PGLYRP3: variants seen among roughly 807,000 people sequenced by gnomAD.
PGLYRP3 encodes the protein peptidoglycan recognition protein I alpha.
A neutral mutation model predicts 36.0 loss-of-function variants in PGLYRP3; 39 were observed. The ratio of observed to expected loss-of-function variants is 1.08; its 90% confidence interval spans 0.84 to 1.41. The LOEUF is 1.41. Ranked by LOEUF, PGLYRP3 falls within the 40% of genes most tolerant of loss-of-function variation. The pLI is 0.00. For missense variants in PGLYRP3, 407 were observed against 427.9 expected (o/e 0.95, Z 0.43); for synonymous variants, 204 against 172.8 (o/e 1.18, Z -1.42).
Position 153,302,579 on chromosome 1 carries a change from A to G in PGLYRP3, c.558T>C (p.Ala186=). ...GGCAGTGTGTCTCTCTGGCTTCCCA[A>G]GCAGATCGTTTGATGATGTTGGGGC... ...KVCPNIIKRS[A]WEARETHCPK... is the part of the protein sequence containing the mutation. The change falls in exon 6 of 8, where the codon GCT becomes GCC. Residue 186 remains alanine (A), a synonymous_variant. Transcript: ENST00000683862. 1 of 1,614,182 alleles carries G rather than the reference A, an allele frequency of 6.2e-7. No homozygotes were observed. The highest frequency in any genetic ancestry group is 8.5e-7 in the Non-Finnish European group (1 of 1,180,026).
chr1:153,305,357 G>A (rs1006100080), intron 3 of PGLYRP3, among the ~76,000 whole-genome samples: 6 of 152,176 alleles, frequency 3.9e-5, no homozygotes, highest in African/African-American at 1.2e-4. Flanking sequence ...GAGGACATTA[G>A]TTCAATGCTT....
At chr1:153,312,016 C>A (rs1264288333) in intron 1 of PGLYRP3, among the ~76,000 whole-genome samples, 2 of 152,202 alleles carry the variant, frequency 1.3e-5, no homozygotes, top group Non-Finnish European at 2.9e-5. Context: ...AGATTGAAGG[C>A]CTGTTAGGAG....
chr1:153,300,966 G>A (rs1659577801), intron 6 of PGLYRP3, among the ~76,000 whole-genome samples: 1 of 152,144 alleles, frequency 6.6e-6, no homozygotes, highest in Non-Finnish European at 1.5e-5. Flanking sequence ...TCAGGCTGAA[G>A]GGCAGTGGCA....
chr1:153,303,506 C>T (rs755583116), intron 5 of PGLYRP3, among the ~76,000 whole-genome samples: 17 of 152,216 alleles, frequency 1.1e-4, no homozygotes, highest in Non-Finnish European at 2.4e-4. Flanking sequence ...TGTCTCTTCT[C>T]ACTGAAGTGC....
chr1:153,312,673 G>C lies in PGLYRP3; in HGVS notation c.-72C>G, dbSNP rs1019216591. 1.3e-5 allele frequency among the ~76,000 whole-genome samples: 2 copies of C among 152,014 alleles called. No individual in the cohort carries two copies. The highest frequency in any genetic ancestry group is 2.9e-5 in the Non-Finnish European group (2 of 67,998). ...GGTTCTGTGCTGTTCCAGCCCAGCA[G>C]GTCAGGGTGCAGTCGGCTCGCCCCT... On this transcript the variant is annotated 5_prime_UTR_variant, in exon 1 of 8. Transcript: ENST00000683862.
Position 153,297,819 on chromosome 1 carries a change from G to T in PGLYRP3, c.*137C>A, listed in dbSNP as rs902408460. 1.0e-6 allele frequency: 1 copy of T among 987,842 alleles called. No homozygotes were observed. Among genetic ancestry groups the T allele is most frequent in the Non-Finnish European group, 1.5e-6 (1 of 665,872 alleles). The allele number at this position is 987,842 out of a possible 1,614,324, so 61.2% of individuals were successfully genotyped here. On this transcript the variant is annotated 3_prime_UTR_variant, in exon 8 of 8. Coordinates refer to ENST00000683862, the MANE Select transcript of PGLYRP3 (RefSeq NM_052891.3). ...GCTCCTGGAGGATGTTGGCAGGAAA[G>T]GACATGACCATTCAAACCTGAGAAA...
At position 153,304,015 on chromosome 1, in the gene PGLYRP3, AGAG is replaced by A. The variant is rs751833101; in HGVS notation, c.377-9_377-7del. 3.7e-6 allele frequency: 6 copies of A among 1,609,862 alleles called. No homozygotes were observed. The highest frequency in any genetic ancestry group is 5.1e-6 in the Non-Finnish European group (6 of 1,176,952). ...AGCAGGGCTGGGACTGCTGCCTTAA[AGAG>A]GAGGACAGGGAGCACAAAAATGTCA... On this transcript the variant is annotated splice_region_variant and splice_polypyrimidine_tract_variant and intron_variant, in intron 4 of 7. Transcript: ENST00000683862.
At chr1:153,302,659 G>C (rs1659628575) in intron 5 of PGLYRP3, 52 bp from the exon 6 acceptor site, 4 of 1,555,634 alleles carry the variant, frequency 2.6e-6, no homozygotes, top group African/African-American at 2.7e-5. Context: ...GCCTCTCTGT[G>C]AGCAATCACT....
chr1:153,310,504 A>C (rs1191194421), intron 2 of PGLYRP3, 107 bp downstream of exon 2: 1 of 1,147,892 alleles, frequency 8.7e-7, no homozygotes, highest in Non-Finnish European at 1.3e-6. Context: ...AAGCTACACT[A>C]TCCACTAACA....
Position 153,303,997 on chromosome 1 carries a change from C to A in PGLYRP3, c.389G>T (p.Ser130Ile), listed in dbSNP as rs781092199. The A allele has an allele frequency of 1.2e-6, 2 of 1,612,922 alleles. No homozygotes were observed. Among genetic ancestry groups the A allele is most frequent in the East Asian group, 4.5e-5 (2 of 44,868 alleles). Residue 130 changes from serine (S) to isoleucine (I), a missense_variant, in exon 5 of 8, where the codon AGC becomes ATC. Transcript: ENST00000683862. ...CTCTGCAGCTGATAAGGCAGCAGGG[C>A]TGGGACTGCTGCCTTAAAGAGGAGG... ...FFGNKIGSSP[S>I]PAALSAAEGL...
In PGLYRP3 at chr1:153,297,943, A is replaced by T. The variant is rs555652513; in HGVS notation, c.*13T>A. The T allele has an allele frequency of 2.4e-5, 39 of 1,612,460 alleles. No homozygotes were observed. In the South Asian group the frequency reaches 3.6e-4, roughly 15 times the overall value. On this transcript the variant is annotated 3_prime_UTR_variant, in exon 8 of 8. Coordinates refer to ENST00000683862, the MANE Select transcript of PGLYRP3 (RefSeq NM_052891.3). ...GGGGAGGGAGGGCAGTCTCAAAGGGAGTGGGGCCTCCTTCAGTGCTTGAAA... is the reference window on the plus strand; with the variant it reads ...GGGGAGGGAGGGCAGTCTCAAAGGGTGTGGGGCCTCCTTCAGTGCTTGAAA...
chr1:153,309,360 A>C (rs763182931), intron 2 of PGLYRP3, among the ~76,000 whole-genome samples: 2 of 152,238 alleles, frequency 1.3e-5, no homozygotes, highest in Non-Finnish European at 2.9e-5. Context: ...TACTTGTCTA[A>C]CATAACAGAG....
At chr1:153,299,257 A>G (rs752356895) in intron 6 of PGLYRP3, 26 bp from the exon 7 acceptor site, 2 of 1,546,588 alleles carry the variant, frequency 1.3e-6, no homozygotes, top group Non-Finnish European at 1.8e-6. Context: ...GAAAATGAAG[A>G]CAGTCACTCT....
rs1242298913 is a variant in PGLYRP3, at chr1:153,302,507, A to G, written c.630T>C (p.Ala210=). 6.2e-7 allele frequency: 1 copy of G among 1,614,212 alleles called. No homozygotes were observed. The highest frequency in any genetic ancestry group is 1.7e-5 in the Admixed American group (1 of 60,016). The part of the protein sequence containing the change: ...PAKYVIIIHT[A]GTSCTVSTDC... ...CTGTGGATACAGTGCAGCTTGTGCC[A>G]GCGGTGTGGATGATGATGACATATT... Residue 210 remains alanine, a synonymous_variant, in exon 6 of 8, where the codon GCT becomes GCC. Transcript: ENST00000683862.
intron 6 of PGLYRP3, among the ~76,000 whole-genome samples, chr1:153,301,492 C>T (rs1170550319): frequency 6.6e-6 from 1 of 152,116 alleles, no homozygotes; most frequent in African/African-American, 2.4e-5. Flanking sequence ...AACAAACATT[C>T]CCTCACCTTC....
intron 6 of PGLYRP3, among the ~76,000 whole-genome samples, chr1:153,301,983 G>A (rs1371723035): frequency 6.6e-6 from 1 of 152,208 alleles, no homozygotes; most frequent in Non-Finnish European, 1.5e-5. Flanking sequence ...TCTATAAAAT[G>A]AGGTAAGTAA....
Position 153,302,609 on chromosome 1 carries a change from T to G in PGLYRP3, c.530-2A>C. ...ATCGTTTGATGATGTTGGGGCAAACTGTGGTAAAATGAAAAGCCAAGGAAG... is the reference window on the plus strand; with the variant it reads ...ATCGTTTGATGATGTTGGGGCAAACGGTGGTAAAATGAAAAGCCAAGGAAG... On this transcript the variant is annotated splice_acceptor_variant, in intron 5 of 7. Transcript: ENST00000683862. LOFTEE classifies it high-confidence loss of function. The G allele has an allele frequency of 6.2e-7, 1 of 1,613,938 alleles. No individual in the cohort carries two copies. The highest frequency in any genetic ancestry group is 8.5e-7 in the Non-Finnish European group (1 of 1,179,976).
intron 6 of PGLYRP3, among the ~76,000 whole-genome samples, chr1:153,299,730 A>G (rs1008158503): frequency 6.6e-6 from 1 of 152,194 alleles, no homozygotes; most frequent in African/African-American, 2.4e-5. Context: ...CACAGCTTCA[A>G]GTACTACCTG....
intron 4 of PGLYRP3, 86 bp downstream of exon 4, chr1:153,304,861 T>C: frequency 1.0e-6 from 1 of 982,626 alleles, no homozygotes; most frequent in Non-Finnish European, 1.5e-6. Context: ...TGATGTAGGG[T>C]AAAAAGATGA....
Sources: allele counts gnomAD v4.1 joint callset (sites outside exome capture counted in the v4.1 genomes callset), GRCh38; gene constraint gnomAD v4.1.1; transcripts MANE v1.5; gene names NCBI Gene and HGNC (gene_info 2026-07-23, HGNC 2026-07-21).